ZNRF3: variants seen among roughly 807,000 people sequenced by gnomAD.
ZNRF3 encodes the protein zinc and ring finger 3, also known as E3 ubiquitin-protein ligase ZNRF3.
In ZNRF3, 23 loss-of-function variants were observed where a neutral mutation model predicts 72.5. The observed-to-expected ratio is 0.32, with a 90% CI of 0.23 to 0.45. The LOEUF (loss-of-function observed/expected upper bound fraction) is 0.45, where lower values mean the gene tolerates loss of function less well. Among genes scored for constraint, ZNRF3 ranks in the 20% least tolerant of loss-of-function variants. ZNRF3 has a pLI of 1.00. For missense variants in ZNRF3, 1,169 were observed against 1,272.1 expected, an observed-to-expected ratio of 0.92 and a Z score of 1.23; for synonymous variants, 610 against 545.3, an observed-to-expected ratio of 1.12 and a Z score of -1.65.
At chr22:28,938,581 A>T (rs1276619068) in intron 1 of ZNRF3, among the ~76,000 whole-genome samples, 2 of 152,174 alleles carry the variant, frequency 1.3e-5, no homozygotes, top group Non-Finnish European at 2.9e-5. Flanking sequence ...ACTTTTGACG[A>T]CTTTCTAGCT....
intron 2 of ZNRF3, among the ~76,000 whole-genome samples, chr22:29,033,329 C>T (rs915022814): frequency 1.3e-4 from 16 of 125,508 alleles, no homozygotes; most frequent in African/African-American, 3.7e-4. Flanking sequence ...CCAGCATGGG[C>T]GACAGAGTGA....
chr22:29,046,754 G>A lies in ZNRF3; in HGVS notation c.783G>A (p.Lys261=). The A allele has an allele frequency of 6.2e-7, 1 of 1,611,726 alleles. No homozygotes were observed. Residue 261 remains lysine (K), a synonymous_variant, in exon 6 of 9, where the codon AAG becomes AAA. Transcript: ENST00000544604. Reference sequence around the variant, plus strand: ...GGCTGGCTGTGCAGGCTCTAGAGAAGATGGAAACCAGAAAGTTCAACTCCA... The same window carrying A: ...GGCTGGCTGTGCAGGCTCTAGAGAAAATGGAAACCAGAAAGTTCAACTCCA... ...MNRLAVQALE[K]METRKFNSKS...
intron 1 of ZNRF3, among the ~76,000 whole-genome samples, chr22:28,979,538 TG>T (rs1012263146): frequency 2.0e-5 from 3 of 152,236 alleles, no homozygotes; most frequent in African/African-American, 7.2e-5. Flanking sequence ...AAATCTTTTT[TG>T]TCCTGGAAAT....
intron 2 of ZNRF3, chr22:29,025,257 C>CA (rs2036610502): frequency 6.6e-6 from 1 of 152,054 alleles, no homozygotes; most frequent in Admixed American, 6.6e-5. Context: ...GCTGGGATTA[C>CA]AGATGTGAGC....
rs553006225 is a variant in ZNRF3, at chr22:29,018,111, T to C, written c.427-24384T>C. The C allele has an allele frequency of 2.9e-4, 149 of 516,160 alleles. 2 individuals carry two copies. In the Middle Eastern group the frequency reaches 9.6e-3, roughly 33 times the overall value. The allele number at this position is 516,160 out of a possible 1,614,324, so 32.0% of individuals were successfully genotyped here. On this transcript the variant is annotated intron_variant, in intron 2 of 8. Transcript: ENST00000544604. ...GCGGACGGGCAGACCGGATCCAAACTGGATCCAAAGGAGAGTCTTGAACAT... is the reference window on the plus strand; with the variant it reads ...GCGGACGGGCAGACCGGATCCAAACCGGATCCAAAGGAGAGTCTTGAACAT...
chr22:29,051,123 C>T (rs11704898), intron 8 of ZNRF3, among the ~76,000 whole-genome samples, 175 bp downstream of exon 8: 47,216 of 152,088 alleles, frequency 0.31, 8,953 homozygotes, highest in Middle Eastern at 0.43. Context: ...GAGTTCAGAC[C>T]CATTGAGCCC....
chr22:29,001,472 C>CT lies in ZNRF3; in HGVS notation c.426+14288dup, dbSNP rs750297109. On this transcript the variant is annotated intron_variant, in intron 2 of 8. Coordinates refer to ENST00000544604, the MANE Select transcript of ZNRF3 (RefSeq NM_001206998.2). ...CCTTTGCAACCCAAGATTTTTTAAA[C>CT]TTTTTTTTTTTTTTTTTGAGATGGA... Among the ~76,000 whole-genome samples, 735 of 125,004 alleles carry CT rather than the reference C, an allele frequency of 5.9e-3. 10 individuals are homozygous for CT. Among genetic ancestry groups the CT allele is most frequent in the South Asian group, 0.021 (80 of 3,846 alleles). The allele number at this position is 125,004 out of a possible 152,430, so 82.0% of individuals were successfully genotyped here.
chr22:29,005,904 G>A (rs888521220), intron 2 of ZNRF3, among the ~76,000 whole-genome samples: 2 of 152,046 alleles, frequency 1.3e-5, no homozygotes, highest in African/African-American at 4.8e-5. Flanking sequence ...GCGTGGTGGT[G>A]CATGCCTATA....
At chr22:28,936,167 T>G (rs1349301237) in intron 1 of ZNRF3, among the ~76,000 whole-genome samples, 2 of 152,162 alleles carry the variant, frequency 1.3e-5, no homozygotes, top group Non-Finnish European at 2.9e-5. Context: ...CCTAACATCT[T>G]GCAAAGGTCT....
intron 1 of ZNRF3, among the ~76,000 whole-genome samples, chr22:28,966,988 T>C (rs1190444482): frequency 6.6e-6 from 1 of 151,604 alleles, no homozygotes; most frequent in Non-Finnish European, 1.5e-5. Flanking sequence ...CAAGTGATTC[T>C]TCTGCCTCAG....
chr22:28,980,716 A>T (rs2035749845), intron 1 of ZNRF3, among the ~76,000 whole-genome samples: 1 of 152,194 alleles, frequency 6.6e-6, no homozygotes, highest in African/African-American at 2.4e-5. Flanking sequence ...GTAGCTTATT[A>T]ATTATTTGCA....
intron 1 of ZNRF3, among the ~76,000 whole-genome samples, chr22:28,976,509 TAA>T (rs910861138): frequency 1.3e-5 from 2 of 152,210 alleles, no homozygotes; most frequent in African/African-American, 4.8e-5. Flanking sequence ...CCTGTCTGAA[TAA>T]AAAATAAATT....
Position 29,050,910 on chromosome 22 carries a change from ACACTCAGG to A in ZNRF3, c.2730_2737del (p.Asp910GlufsTer8), listed in dbSNP as rs2037193751. The stretch of plus-strand genomic sequence containing the variant: ...GCCAACTTCCCTAGTGCCCTCCAGG[ACACTCAGG>A]AGTCCAGCACCACTGCCACTGAGGC... On this transcript the variant is annotated frameshift_variant, in exon 8 of 9. Transcript: ENST00000544604. LOFTEE classifies it high-confidence loss of function. 6.4e-7 allele frequency: 1 copy of A among 1,554,858 alleles called. No homozygotes were observed.
chr22:28,945,775 G>T (rs151013287), intron 1 of ZNRF3, among the ~76,000 whole-genome samples: 81 of 151,930 alleles, frequency 5.3e-4, no homozygotes, highest in African/African-American at 1.9e-3. Flanking sequence ...TGATCTGCCC[G>T]CCTCGGCCTC....
intron 1 of ZNRF3, among the ~76,000 whole-genome samples, chr22:28,897,869 C>T (rs144413351): frequency 6.6e-6 from 1 of 152,166 alleles, no homozygotes; most frequent in Non-Finnish European, 1.5e-5. Context: ...TCTCCTAGAT[C>T]ACACTACTTT....
chr22:28,989,918 G>C (rs965476651), intron 2 of ZNRF3, among the ~76,000 whole-genome samples: 3 of 152,204 alleles, frequency 2.0e-5, no homozygotes, highest in African/African-American at 7.2e-5. Flanking sequence ...AAAAGCAAAA[G>C]GCATAAACTT....
rs531957703 is a variant in ZNRF3 at position 28,918,344 on chromosome 22, G to C, written c.300+34278G>C. ...CTGGTGAAGAATAAAACCTGGAGTG[G>C]GGCTTGAATGCATTTCTCTTCCAGG... On this transcript the variant is annotated intron_variant, in intron 1 of 8. Transcript: ENST00000544604. Among the ~76,000 whole-genome samples, 68 of 152,264 alleles carry C rather than the reference G, an allele frequency of 4.5e-4. 1 individual carries two copies. The South Asian group carries it at 0.014, about 31-fold the overall frequency.
chr22:29,026,863 T>C (rs1387684734), intron 2 of ZNRF3: 1 of 152,188 alleles, frequency 6.6e-6, no homozygotes, highest in Non-Finnish European at 1.5e-5. Context: ...GGGGTATCTT[T>C]CCCCAGACAT....
In ZNRF3 at chr22:29,046,964, G is replaced by T; in HGVS notation, c.912+81G>T. 3 of 1,317,892 alleles carry T rather than the reference G, an allele frequency of 2.3e-6. No homozygotes were observed. The South Asian group carries it at 6.9e-5, about 30-fold the overall frequency. The allele number at this position is 1,317,892 out of a possible 1,614,324, so 81.6% of individuals were successfully genotyped here. ...GGTGCCCAAGACCTAGAAGGACAGG[G>T]CCCTGTGTTCCATCACACACATCAA... On this transcript the variant is annotated intron_variant, in intron 6 of 8. Coordinates refer to ENST00000544604, the MANE Select transcript of ZNRF3 (RefSeq NM_001206998.2).
Sources: allele counts gnomAD v4.1 joint callset (sites outside exome capture counted in the v4.1 genomes callset), GRCh38; gene constraint gnomAD v4.1.1; transcripts MANE v1.5; gene names NCBI Gene and HGNC (gene_info 2026-07-23, HGNC 2026-07-21).